Variants in MYO9A observed in about 807,000 individuals in gnomAD.
The protein encoded by MYO9A is unconventional myosin-IXa.
MYO9A carries 103 observed loss-of-function variants against 293.3 expected under a neutral mutation model. The observed-to-expected ratio is 0.35, with a 90% CI of 0.30 to 0.41. MYO9A has a LOEUF of 0.41. Among genes scored for constraint, MYO9A ranks in the 10% least tolerant of loss-of-function variants. The pLI, the probability that MYO9A is intolerant of heterozygous loss-of-function variation, is 1.00. For synonymous variants in MYO9A, 1,001 were observed against 1,035.7 expected (o/e 0.97, Z 0.64); for missense variants, 2,685 against 3,033.0 (o/e 0.89, Z 2.69).
At chr15:71,919,703 A>G (rs1036312469) in intron 18 of MYO9A, among the ~76,000 whole-genome samples, 1 of 151,806 alleles carries the variant, frequency 6.6e-6, no homozygotes, top group Non-Finnish European at 1.5e-5. Flanking sequence ...TTAGCAAGGC[A>G]TGGTGACAGG....
At chr15:71,872,256 A>C (rs77252449) in intron 32 of MYO9A, among the ~76,000 whole-genome samples, 1 of 152,130 alleles carries the variant, frequency 6.6e-6, no homozygotes, top group Non-Finnish European at 1.5e-5. Context: ...AGGAAAAAAA[A>C]TACTTCAACT....
chr15:71,836,722 T>A (rs1271428267), intron 39 of MYO9A, among the ~76,000 whole-genome samples: 1 of 152,090 alleles, frequency 6.6e-6, no homozygotes, highest in Non-Finnish European at 1.5e-5. Flanking sequence ...ACATCTTAGA[T>A]GATACCATTT....
rs1286638345 is a variant in MYO9A, at chr15:71,956,857, ACAAATAT to A, written c.2182+3037_2182+3043del. Among the ~76,000 whole-genome samples the A allele has an allele frequency of 1.4e-3, 119 of 84,508 alleles. 3 individuals are homozygous for A. In the Middle Eastern group the frequency reaches 0.022, roughly 16 times the overall value. 55.4% of individuals were successfully genotyped at this position (84,508 alleles called of 152,430 possible). A position where few individuals can be genotyped will look rare whatever the true frequency, so the allele number is the denominator to read the frequency against. On this transcript the variant is annotated intron_variant, in intron 14 of 41. Coordinates refer to ENST00000356056, the MANE Select transcript of MYO9A (RefSeq NM_006901.4). ...TATATACACACACACACACACACACACAAATATATATATATATATATATATATCTTAA... is the reference window on the plus strand; with the variant it reads ...TATATACACACACACACACACACACAATATATATATATATATATATCTTAA...
Position 71,848,364 on chromosome 15 carries a change from T to C in MYO9A, c.6837+481A>G, listed in dbSNP as rs570464277. Among the ~76,000 whole-genome samples the C allele has an allele frequency of 2.6e-5, 4 of 152,206 alleles. No individual in the cohort carries two copies. In the East Asian group the frequency reaches 5.8e-4, roughly 22 times the overall value. ...AACCCTAAACTCAAAGAAATACTTT[T>C]TGATTACAGTAGACTCATAGATGGA... On this transcript the variant is annotated intron_variant, in intron 39 of 41. Transcript: ENST00000356056.
At chr15:72,079,212 G>A (rs1478150878) in intron 1 of MYO9A, among the ~76,000 whole-genome samples, 1 of 152,108 alleles carries the variant, frequency 6.6e-6, no homozygotes, top group African/African-American at 2.4e-5. Flanking sequence ...GGGGGCAGGA[G>A]GAGGAGCAAG....
intron 7 of MYO9A, among the ~76,000 whole-genome samples, chr15:72,008,216 A>T (rs1245179537): frequency 6.6e-6 from 1 of 152,172 alleles, no homozygotes; most frequent in Non-Finnish European, 1.5e-5. Flanking sequence ...AATTTGTCAC[A>T]GTGTTTACAG....
chr15:71,852,067 T>C lies in MYO9A; in HGVS notation c.6475+65A>G, dbSNP rs2055671153. 2.0e-6 allele frequency: 3 copies of C among 1,493,482 alleles called. No individual in the cohort carries two copies. The South Asian group carries it at 4.1e-5, about 20-fold the overall frequency. 92.5% of individuals were successfully genotyped at this position (1,493,482 alleles called of 1,614,324 possible). The stretch of plus-strand genomic sequence containing the variant: ...CACTAGAGGATGGCTTGATAATCTA[T>C]ACTCAAGATGGCATTTCTTTCCCAA... On this transcript the variant is annotated intron_variant, in intron 36 of 41. Transcript: ENST00000356056.
chr15:72,103,373 AAGCAGAAGCAGCAGC>A (rs1189147598), intron 1 of MYO9A, among the ~76,000 whole-genome samples: 81 of 150,516 alleles, frequency 5.4e-4, no homozygotes, highest in Non-Finnish European at 9.2e-4. Flanking sequence ...GCAGCAGCAG[AAGCAGAAGCAGCAGC>A]AGCAGAAGCA....
intron 1 of MYO9A, among the ~76,000 whole-genome samples, chr15:72,066,283 TC>T (rs2079018428): frequency 6.6e-6 from 1 of 151,856 alleles, no homozygotes; most frequent in Admixed American, 6.6e-5. Context: ...GGTCAAGAGA[TC>T]AAGACCATCC....
chr15:72,080,394 T>G (rs1421482879), intron 1 of MYO9A, among the ~76,000 whole-genome samples: 1 of 151,334 alleles, frequency 6.6e-6, no homozygotes, highest in Non-Finnish European at 1.5e-5. Flanking sequence ...CTCTGGGAGT[T>G]TCATCATCTG....
At chr15:72,096,352 A>G (rs191991738) in intron 1 of MYO9A, among the ~76,000 whole-genome samples, 25 of 152,272 alleles carry the variant, frequency 1.6e-4, no homozygotes, top group Admixed American at 4.6e-4. Flanking sequence ...CAACAACAAC[A>G]AAATTACACT....
intron 1 of MYO9A, among the ~76,000 whole-genome samples, chr15:72,105,486 C>T (rs1311950400): frequency 2.7e-5 from 4 of 150,500 alleles, no homozygotes; most frequent in Admixed American, 6.7e-5. Flanking sequence ...CTCAGCCTCC[C>T]GAAATGCTGG....
At chr15:72,082,160 G>GCA (rs2079566044) in intron 1 of MYO9A, among the ~76,000 whole-genome samples, 1 of 151,972 alleles carries the variant, frequency 6.6e-6, no homozygotes, top group Non-Finnish European at 1.5e-5. Context: ...TCCTATGAAT[G>GCA]TGGAATGTTT....
At chr15:71,913,892 G>A (rs558767178) in intron 19 of MYO9A, among the ~76,000 whole-genome samples, 5 of 151,798 alleles carry the variant, frequency 3.3e-5, no homozygotes, top group South Asian at 2.1e-4. Context: ...ATAAAAGGTC[G>A]TTTCACTCTG....
chr15:72,116,062 A>G (rs2080962908), intron 1 of MYO9A, among the ~76,000 whole-genome samples: 1 of 152,244 alleles, frequency 6.6e-6, no homozygotes, highest in African/African-American at 2.4e-5. Flanking sequence ...ATTTGTGTAC[A>G]GTGTCTTAAA....
chr15:71,996,493 C>T (rs2148557659), intron 9 of MYO9A, among the ~76,000 whole-genome samples: 1 of 152,238 alleles, frequency 6.6e-6, no homozygotes, highest in South Asian at 2.1e-4. Context: ...CATAGCTTAA[C>T]CTCAATAAAC....
At chr15:71,945,925 G>C (rs1220984282) in intron 15 of MYO9A, among the ~76,000 whole-genome samples, 2 of 152,122 alleles carry the variant, frequency 1.3e-5, no homozygotes, top group Non-Finnish European at 2.9e-5. Context: ...GCTACTAAAA[G>C]TTTTAAAATA....
chr15:72,106,839 A>G (rs2080586420), intron 1 of MYO9A, among the ~76,000 whole-genome samples: 1 of 152,236 alleles, frequency 6.6e-6, no homozygotes, highest in South Asian at 2.1e-4. Context: ...TAAACTGGTA[A>G]CAATCAAACT....
rs901085411 is a variant in MYO9A, at chr15:71,898,025, A to G, written c.4478T>C (p.Leu1493Pro). ...SNPVLKKLEK[L>P]NTEKEERQKQ... is the part of the protein sequence containing the mutation. Reference sequence around the variant, plus strand: ...TTGCCTTTCTTCCTTCTCAGTGTTTAGCTTTTCTAACTTCTTAAGCACAGG... The same window carrying G: ...TTGCCTTTCTTCCTTCTCAGTGTTTGGCTTTTCTAACTTCTTAAGCACAGG... Residue 1493 changes from leucine to proline, a missense_variant, in exon 25 of 42, where the codon CTA becomes CCA. Physicochemically the swap from Leu to Pro is moderately conservative, Grantham distance 98. Around this residue, in one of 10 missense-constraint regions of MYO9A, gnomAD observed 1,434 missense variants for 1,497.7 expected, o/e 0.96. Coordinates refer to ENST00000356056, the MANE Select transcript of MYO9A (RefSeq NM_006901.4). 4.3e-6 allele frequency: 7 copies of G among 1,614,022 alleles called. No individual in the cohort carries two copies. The Admixed American group carries it at 1.2e-4, about 27-fold the overall frequency.
Sources: gnomAD v4.1 joint callset for allele counts (sites outside exome capture counted in the v4.1 genomes callset) on GRCh38, gnomAD v4.1.1 for gene constraint, gnomAD v4.1.1 regional missense constraint, MANE v1.5 for transcripts, NCBI Gene and HGNC (gene_info 2026-07-23, HGNC 2026-07-21) for gene names.